The following LYPLAL1 variants were observed in gnomAD, a reference collection of about 807,000 sequenced individuals.
The protein encoded by LYPLAL1 is lysophospholipase-like protein 1.
Under a neutral mutation model 19.7 loss-of-function variants are expected in LYPLAL1, and 23 were observed. The ratio of observed to expected loss-of-function variants is 1.17; its 90% CI spans 0.84 to 1.65. LYPLAL1 has a LOEUF of 1.65. Among genes scored for constraint, LYPLAL1 ranks in the 40% most tolerant of loss-of-function variants. LYPLAL1 has a pLI of 0.00. For synonymous variants in LYPLAL1, 119 were observed against 96.3 expected, an observed-to-expected ratio of 1.24 and a Z score of -1.38; for missense variants, 355 against 279.4, an observed-to-expected ratio of 1.27 and a Z score of -1.93.
the LYPLAL1 span, among the ~76,000 whole-genome samples, chr1:219,441,810 C>T: frequency 2.0e-4 from 30 of 152,180 alleles, no homozygotes; most frequent in South Asian, 4.2e-4. Flanking sequence ...GAAAAATCTG[C>T]GGCAGATGCC....
At chr1:219,434,577 T>C in the LYPLAL1 span, among the ~76,000 whole-genome samples, 1 of 152,226 alleles carries the variant, frequency 6.6e-6, no homozygotes, top group Non-Finnish European at 1.5e-5. Context: ...GTCTTCTTAC[T>C]GAAGCTTCCT....
chr1:219,441,055 A>G, the LYPLAL1 span, among the ~76,000 whole-genome samples: 1 of 152,226 alleles, frequency 6.6e-6, no homozygotes, highest in Non-Finnish European at 1.5e-5. Context: ...GTGAAACCAC[A>G]AGGATCCAAT....
the LYPLAL1 span, among the ~76,000 whole-genome samples, chr1:219,250,905 A>G: frequency 6.6e-6 from 1 of 152,070 alleles, no homozygotes; most frequent in Non-Finnish European, 1.5e-5. Context: ...TGGTTGAACG[A>G]ATTTACACTC....
At chr1:219,282,508 C>CAA in the LYPLAL1 span, among the ~76,000 whole-genome samples, 5,966 of 138,180 alleles carry the variant, frequency 0.043, 342 homozygotes, top group African/African-American at 0.13. Flanking sequence ...CAATGAATGA[C>CAA]AAAAAAAAAA....
the LYPLAL1 span, among the ~76,000 whole-genome samples, chr1:219,225,821 C>G: frequency 6.6e-6 from 1 of 152,182 alleles, no homozygotes; most frequent in Admixed American, 6.5e-5. Flanking sequence ...CTCTCGTCTC[C>G]CATGTTACAG....
chr1:219,228,533 A>C, the LYPLAL1 span, among the ~76,000 whole-genome samples: 1 of 151,860 alleles, frequency 6.6e-6, no homozygotes, highest in African/African-American at 2.4e-5. Context: ...ATAATTTATT[A>C]TTTTGTTTAC....
the LYPLAL1 span, among the ~76,000 whole-genome samples, chr1:219,260,695 T>C: frequency 8.5e-4 from 128 of 149,816 alleles, no homozygotes; most frequent in Non-Finnish European, 1.6e-3. Context: ...CATATATACA[T>C]ATATACAGAC....
the LYPLAL1 span, among the ~76,000 whole-genome samples, chr1:219,394,316 T>G: frequency 5.3e-5 from 8 of 152,238 alleles, no homozygotes; most frequent in Admixed American, 6.5e-5. Flanking sequence ...AATCTTAACT[T>G]TTTAAAGAGT....
the LYPLAL1 span, among the ~76,000 whole-genome samples, chr1:219,430,461 T>C: frequency 6.6e-6 from 1 of 152,206 alleles, no homozygotes; most frequent in Non-Finnish European, 1.5e-5. Context: ...ATGTCTGATA[T>C]TTCTTTCCCA....
chr1:219,284,944 T>C, the LYPLAL1 span, among the ~76,000 whole-genome samples: 1 of 152,172 alleles, frequency 6.6e-6, no homozygotes, highest in Non-Finnish European at 1.5e-5. Flanking sequence ...ACCCAGGTAG[T>C]GATCAACCAA....
the LYPLAL1 span, among the ~76,000 whole-genome samples, chr1:219,301,680 A>G: frequency 6.6e-6 from 1 of 152,180 alleles, no homozygotes; most frequent in East Asian, 1.9e-4. Context: ...TGCCCCCCAG[A>G]AAATATAACA....
chr1:219,174,012 A>G (rs778860597), intron 1 of LYPLAL1, 31 bp downstream of exon 1: 25 of 1,613,594 alleles, frequency 1.5e-5, no homozygotes, highest in Non-Finnish European at 2.0e-5. Flanking sequence ...CTGGTTTTCT[A>G]CAGCTCGGGA....
the LYPLAL1 span, among the ~76,000 whole-genome samples, chr1:219,393,694 G>T: frequency 6.6e-6 from 1 of 151,744 alleles, no homozygotes; most frequent in South Asian, 2.1e-4. Flanking sequence ...ACAAATAAAT[G>T]TCATTTCAAA....
the LYPLAL1 span, among the ~76,000 whole-genome samples, chr1:219,436,461 T>C: frequency 6.6e-6 from 1 of 152,182 alleles, no homozygotes; most frequent in Non-Finnish European, 1.5e-5. Context: ...TTGTGGCCCC[T>C]AACAGTAATA....
the LYPLAL1 span, among the ~76,000 whole-genome samples, chr1:219,313,605 C>T: frequency 6.6e-6 from 1 of 151,754 alleles, no homozygotes; most frequent in African/African-American, 2.4e-5. Flanking sequence ...GATCTTGGCT[C>T]ACTGCAACCT....
the LYPLAL1 span, among the ~76,000 whole-genome samples, chr1:219,333,801 C>A: frequency 6.6e-6 from 1 of 152,016 alleles, no homozygotes; most frequent in African/African-American, 2.4e-5. Context: ...ACTTACTAAG[C>A]TATGTCTCAC....
At chr1:219,189,345 T>C (rs1656967987) in intron 2 of LYPLAL1, among the ~76,000 whole-genome samples, 1 of 151,662 alleles carries the variant, frequency 6.6e-6, no homozygotes, top group African/African-American at 2.4e-5. Flanking sequence ...ATTTTTGATA[T>C]TTTGATTTAG....
At chr1:219,206,628 CTT>C (rs759135895) in intron 3 of LYPLAL1, among the ~76,000 whole-genome samples, 202 of 151,848 alleles carry the variant, frequency 1.3e-3, no homozygotes, top group Middle Eastern at 6.8e-3. Flanking sequence ...TTCATTGTAA[CTT>C]AAGAGAATTA....
chr1:219,441,716 A>G, the LYPLAL1 span, among the ~76,000 whole-genome samples: 3 of 152,180 alleles, frequency 2.0e-5, no homozygotes, highest in Non-Finnish European at 2.9e-5. Flanking sequence ...ATCTGCTCTT[A>G]TAGCAGAGCG....
Sources: allele counts gnomAD v4.1 joint callset (sites outside exome capture counted in the v4.1 genomes callset), GRCh38; gene constraint gnomAD v4.1.1; transcripts MANE v1.5; gene names NCBI Gene and HGNC (gene_info 2026-07-23, HGNC 2026-07-21).